Variants in PARD3B observed in about 807,000 individuals in gnomAD.
PARD3B encodes partitioning defective 3 homolog B.
A neutral mutation model predicts 130.2 loss-of-function variants in PARD3B; 103 were observed. The ratio of observed to expected loss-of-function variants is 0.79; its 90% CI spans 0.67 to 0.93. The LOEUF (loss-of-function observed/expected upper bound fraction) is 0.93. PARD3B is among the 40% of genes least tolerant of loss of function. PARD3B has a pLI of 0.00. For synonymous variants in PARD3B, 583 were observed against 553.2 expected (o/e 1.05, Z -0.76); for missense variants, 1,609 against 1,499.2 (o/e 1.07, Z -1.21).
intron 16 of PARD3B, among the ~76,000 whole-genome samples, chr2:205,272,401 C>T (rs1372121256): frequency 1.3e-5 from 2 of 152,194 alleles, no homozygotes; most frequent in South Asian, 4.1e-4. Context: ...AAATAAGAAG[C>T]ACTAATAGCT....
rs895228579 is a variant in PARD3B, at chr2:205,230,636, C to T, written c.2141-15142C>T. Among the ~76,000 whole-genome samples, 2 of 152,156 alleles carry T rather than the reference C, an allele frequency of 1.3e-5. No homozygotes were observed. Among genetic ancestry groups the T allele is most frequent in the African/African-American group, 2.4e-5 (1 of 41,426 alleles). ...TGCAAGCACTGCATTAGCCGCCCAACGGCTGTCTCACTAGGTTATTACCCC... is the reference window on the plus strand; with the variant it reads ...TGCAAGCACTGCATTAGCCGCCCAATGGCTGTCTCACTAGGTTATTACCCC... On this transcript the variant is annotated intron_variant, in intron 15 of 22. Transcript: ENST00000406610. This position sits in a 1 kb window ranked among gnomAD's most constrained non-coding sequence, Gnocchi z 4.1.
At chr2:204,559,299 A>T (rs1028224656) in intron 1 of PARD3B, among the ~76,000 whole-genome samples, 8 of 152,248 alleles carry the variant, frequency 5.3e-5, no homozygotes, top group African/African-American at 1.7e-4. Context: ...CCCATCTGAC[A>T]AAGGGCTAAT....
In PARD3B at chr2:205,407,875, G is replaced by C. The variant is rs2046463577; in HGVS notation, c.2741+6752G>C. Among the ~76,000 whole-genome samples the C allele has an allele frequency of 6.6e-6, 1 of 151,994 alleles. No homozygotes were observed. The highest frequency in any genetic ancestry group is 2.1e-4 in the South Asian group (1 of 4,824). On this transcript the variant is annotated intron_variant, in intron 19 of 22. Transcript: ENST00000406610. This position sits in a 1 kb window ranked among gnomAD's most constrained non-coding sequence, Gnocchi z 4.1. The stretch of plus-strand genomic sequence containing the variant: ...CTTCCATTACTCTTATACCATATCA[G>C]AGTTTATTTTGCAGGAAGCTCATTT...
intron 1 of PARD3B, among the ~76,000 whole-genome samples, chr2:204,661,428 T>C (rs1252890248): frequency 6.6e-6 from 1 of 152,140 alleles, no homozygotes; most frequent in African/African-American, 2.4e-5. Context: ...CTTTCCCCTT[T>C]AAAATATCTA....
In PARD3B at chr2:205,158,309, G is replaced by C. The variant is rs2034304230; in HGVS notation, c.1435-413G>C. 6.6e-6 allele frequency among the ~76,000 whole-genome samples: 1 copy of C among 152,062 alleles called. No individual in the cohort carries two copies. Among genetic ancestry groups the C allele is most frequent in the Non-Finnish European group, 1.5e-5 (1 of 68,016 alleles). On this transcript the variant is annotated intron_variant, in intron 10 of 22. Transcript: ENST00000406610. The surrounding 1 kb of genome is among the most constrained non-coding windows in gnomAD (Gnocchi z 5.4). ...TTAAGACGTTTCTACACTAAACTCT[G>C]TTCCTTCATCTGTAAAGTGAAGATG...
chr2:205,118,886 C>A, intron 6 of PARD3B, 35 bp from the exon 7 acceptor site: 2 of 1,352,326 alleles, frequency 1.5e-6, no homozygotes, highest in Non-Finnish European at 2.0e-6. Context: ...ATTTATTATT[C>A]AGTAATTATA....
chr2:205,293,704 G>A (rs2041690724), intron 16 of PARD3B: 1 of 152,214 alleles, frequency 6.6e-6, no homozygotes, highest in South Asian at 2.1e-4. Context: ...TAACAAAGAA[G>A]AGGAAGCTGT....
At chr2:205,378,442 C>A (rs949423911) in intron 18 of PARD3B, among the ~76,000 whole-genome samples, 10 of 152,076 alleles carry the variant, frequency 6.6e-5, no homozygotes, top group African/African-American at 2.4e-4. Flanking sequence ...AAGTAAGTGT[C>A]ATTTTTCTTT....
intron 18 of PARD3B, among the ~76,000 whole-genome samples, chr2:205,364,787 G>A (rs911755795): frequency 2.0e-5 from 3 of 152,148 alleles, no homozygotes; most frequent in Non-Finnish European, 4.4e-5. Context: ...CAATAATGGA[G>A]GCCTACAATT....
chr2:205,140,176 G>T (rs192383209), intron 10 of PARD3B, among the ~76,000 whole-genome samples: 1 of 152,172 alleles, frequency 6.6e-6, no homozygotes, highest in South Asian at 2.1e-4. Flanking sequence ...AAGGCCCCTC[G>T]CTGTGTTAAA....
chr2:205,518,270 G>T (rs1275232996), intron 21 of PARD3B, among the ~76,000 whole-genome samples: 1 of 152,022 alleles, frequency 6.6e-6, no homozygotes, highest in Non-Finnish European at 1.5e-5. Flanking sequence ...TACTGTACTG[G>T]GTTTATATAT....
chr2:204,906,570 A>G lies in PARD3B; in HGVS notation c.223-58582A>G, dbSNP rs1214186702. ...TTTTGCTCAGTGTGGTATCCAAGCT[A>G]TAATTTTGATGCCTTCCCTTATGTT... On this transcript the variant is annotated intron_variant, in intron 2 of 22. Transcript: ENST00000406610. This position sits in a 1 kb window ranked among gnomAD's most constrained non-coding sequence, Gnocchi z 4.3. Among the ~76,000 whole-genome samples, 2 of 152,236 alleles carry G rather than the reference A, an allele frequency of 1.3e-5. No homozygotes were observed. Among genetic ancestry groups the G allele is most frequent in the Non-Finnish European group, 2.9e-5 (2 of 68,048 alleles).
intron 2 of PARD3B, among the ~76,000 whole-genome samples, chr2:204,777,523 C>T (rs552090719): frequency 1.3e-5 from 2 of 152,248 alleles, no homozygotes; most frequent in African/African-American, 4.8e-5. Context: ...AATCCCAGTA[C>T]TTTGGGAGGC....
intron 18 of PARD3B, among the ~76,000 whole-genome samples, chr2:205,372,124 G>A (rs186328413): frequency 5.9e-5 from 9 of 152,042 alleles, no homozygotes; most frequent in Admixed American, 2.0e-4. Flanking sequence ...ATGAATATTC[G>A]TGTACAAATT....
At chr2:204,954,897 G>A (rs1575410439) in intron 2 of PARD3B, among the ~76,000 whole-genome samples, 2 of 152,182 alleles carry the variant, frequency 1.3e-5, no homozygotes, top group African/African-American at 4.8e-5. Context: ...TTAGAAGGTG[G>A]TGGCTTTGTC....
Position 205,243,120 on chromosome 2 carries a change from C to A in PARD3B, c.2141-2658C>A, listed in dbSNP as rs1270584338. On this transcript the variant is annotated intron_variant, in intron 15 of 22. Coordinates refer to ENST00000406610, the MANE Select transcript of PARD3B (RefSeq NM_001302769.2). Reference sequence around the variant, plus strand: ...AGTGGAGGTTGCAGTGAGACGAGATCGTGCCATTGCACTTTAGCCTGGGCA... The same window carrying A: ...AGTGGAGGTTGCAGTGAGACGAGATAGTGCCATTGCACTTTAGCCTGGGCA... Among the ~76,000 whole-genome samples the A allele has an allele frequency of 2.6e-5, 4 of 151,802 alleles. No homozygotes were observed. In the South Asian group the frequency reaches 8.3e-4, roughly 32 times the overall value.
At chr2:204,627,819 T>G (rs2034538772) in intron 1 of PARD3B, among the ~76,000 whole-genome samples, 1 of 152,160 alleles carries the variant, frequency 6.6e-6, no homozygotes, top group South Asian at 2.1e-4. Context: ...TACTCTTTCA[T>G]CATTTGTATA....
chr2:205,383,133 T>C (rs375436563), intron 18 of PARD3B, among the ~76,000 whole-genome samples: 1 of 115,456 alleles, frequency 8.7e-6, no homozygotes, highest in Non-Finnish European at 2.0e-5. Flanking sequence ...GATAGATAGA[T>C]AGATAGATCG....
At chr2:204,997,396 A>C (rs1694321734) in intron 3 of PARD3B, among the ~76,000 whole-genome samples, 1 of 152,196 alleles carries the variant, frequency 6.6e-6, no homozygotes, top group South Asian at 2.1e-4. Context: ...TCTTCTCTGC[A>C]TTTATTTACA....
Sources: allele counts gnomAD v4.1 joint callset (sites outside exome capture counted in the v4.1 genomes callset), GRCh38; gene constraint gnomAD v4.1.1; non-coding constraint Gnocchi (gnomAD v3.1); transcripts MANE v1.5; gene names NCBI Gene and HGNC (gene_info 2026-07-23, HGNC 2026-07-21).